Variants in RELN observed in about 807,000 individuals in gnomAD.
RELN encodes reelin.
In RELN, 108 loss-of-function variants were observed where a neutral mutation model predicts 427.6. That is an observed-to-expected ratio of 0.25 (90% CI 0.22 to 0.30). RELN has a LOEUF of 0.30. Ranked by LOEUF, RELN falls within the 10% of genes least tolerant of loss-of-function variation. The probability of loss-of-function intolerance (pLI) is 1.00; values close to 1 mark genes in which losing one functional copy is unlikely to be tolerated. For missense variants in RELN, 3,715 were observed against 4,302.8 expected (o/e 0.86, Z 3.82); for synonymous variants, 1,524 against 1,513.4 (o/e 1.01, Z -0.16).
At position 103,636,265 on chromosome 7, in the gene RELN, A is replaced by G. The variant is rs766771027; in HGVS notation, c.2273T>C (p.Ile758Thr). Residue 758 changes from isoleucine to threonine, a missense_variant, in exon 18 of 65, where the codon ATT becomes ACT. Ile to Thr is a moderately conservative substitution (Grantham distance 89). Around this residue, in one of 4 missense-constraint regions of RELN, gnomAD observed 2,208 missense variants for 2,361.7 expected, o/e 0.93. Transcript: ENST00000428762. The part of the protein sequence containing the change: ...VFNKDGRRQL[I>T]TSFLDSSQSR... Reference sequence around the variant, plus strand: ...TTGTGAGCTGTCAAGGAAAGATGTAATTAGCTGACGCCGCCCATCTTTGTT... The same window carrying G: ...TTGTGAGCTGTCAAGGAAAGATGTAGTTAGCTGACGCCGCCCATCTTTGTT... 1.2e-6 allele frequency: 2 copies of G among 1,613,758 alleles called. No homozygotes were observed. Among genetic ancestry groups the G allele is most frequent in the South Asian group, 1.1e-5 (1 of 91,070 alleles).
chr7:103,815,163 T>C (rs1584262730), intron 3 of RELN, among the ~76,000 whole-genome samples: 1 of 152,214 alleles, frequency 6.6e-6, no homozygotes, highest in East Asian at 1.9e-4. Flanking sequence ...ACAAGTATTA[T>C]AATAAGATCA....
chr7:103,535,539 C>T lies in RELN; in HGVS notation c.7181-55G>A. Reference sequence around the variant, plus strand: ...AACACATATCTGCAGACCCAGGAACCATAATTGTTTATCACATTTGTGTAT... The same window carrying T: ...AACACATATCTGCAGACCCAGGAACTATAATTGTTTATCACATTTGTGTAT... On this transcript the variant is annotated intron_variant, in intron 45 of 64. Transcript: ENST00000428762. 5 of 1,498,574 alleles carry T rather than the reference C, an allele frequency of 3.3e-6. No individual in the cohort carries two copies. In the South Asian group the frequency reaches 5.7e-5, roughly 17 times the overall value. 92.8% of individuals were successfully genotyped at this position (1,498,574 alleles called of 1,614,324 possible). A position where few individuals can be genotyped will look rare whatever the true frequency, so the allele number is the denominator to read the frequency against.
chr7:103,593,580 A>T, intron 27 of RELN, 102 bp downstream of exon 27: 1 of 1,016,796 alleles, frequency 9.8e-7, no homozygotes. Flanking sequence ...TCCCTTCTTT[A>T]ATAGAATATG....
intron 1 of RELN, among the ~76,000 whole-genome samples, chr7:103,930,952 G>T (rs915851462): frequency 1.3e-5 from 2 of 150,526 alleles, no homozygotes; most frequent in East Asian, 3.9e-4. Context: ...AATCCAAGCC[G>T]ATCAGGACTT....
chr7:103,590,602 AT>A (rs1831391004), intron 27 of RELN, among the ~76,000 whole-genome samples: 1 of 140,306 alleles, frequency 7.1e-6, no homozygotes. Flanking sequence ...ATAAATAAAT[AT>A]AAAATAAAAT....
chr7:103,814,019 A>G (rs770593665), intron 3 of RELN, among the ~76,000 whole-genome samples: 2 of 152,062 alleles, frequency 1.3e-5, no homozygotes, highest in Non-Finnish European at 2.9e-5. Flanking sequence ...CTACCTTTAC[A>G]TATATAGTAG....
intron 46 of RELN, 98 bp from the exon 47 acceptor site, chr7:103,523,629 C>G: frequency 3.6e-6 from 4 of 1,119,656 alleles, no homozygotes; most frequent in South Asian, 1.3e-5. Context: ...AACACAAAAG[C>G]ATGTACATTC....
At chr7:103,877,773 C>T (rs1019354796) in intron 2 of RELN, among the ~76,000 whole-genome samples, 2 of 151,954 alleles carry the variant, frequency 1.3e-5, no homozygotes, top group African/African-American at 4.8e-5. Context: ...AACTGCAGTA[C>T]TCTCTCCTGC....
rs149121159 is a variant in RELN, at chr7:103,566,288, T to C, written c.4872A>G (p.Gln1624=). 4.2e-5 allele frequency: 67 copies of C among 1,614,050 alleles called. No individual in the cohort carries two copies. The African/African-American group carries it at 7.7e-4, about 19-fold the overall frequency. Residue 1624 remains glutamine (Q), a synonymous_variant, in exon 33 of 65, where the codon CAA becomes CAG. Coordinates refer to ENST00000428762, the MANE Select transcript of RELN (RefSeq NM_005045.4). ...GACAGTCAATATCAACTTGACCTCC[T>C]TGGATTCGATACCAGTTGGCTTGCA... ...IDLQANWYRI[Q]GGQVDIDCLS...
intron 6 of RELN, among the ~76,000 whole-genome samples, chr7:103,732,290 A>G (rs1334357985): frequency 6.6e-6 from 1 of 152,118 alleles, no homozygotes; most frequent in African/African-American, 2.4e-5. Context: ...CCCATGGGCT[A>G]GTTTCTGGAA....
chr7:103,794,801 C>T (rs1792258721), intron 3 of RELN, among the ~76,000 whole-genome samples: 1 of 152,096 alleles, frequency 6.6e-6, no homozygotes, highest in Non-Finnish European at 1.5e-5. Flanking sequence ...CCACTAGATG[C>T]TAGGTATGAC....
intron 3 of RELN, among the ~76,000 whole-genome samples, chr7:103,801,054 TGGTG>T (rs983317375): frequency 6.6e-6 from 1 of 152,174 alleles, no homozygotes; most frequent in African/African-American, 2.4e-5. Flanking sequence ...CCAGTTAGAA[TGGTG>T]GTCACTAAAA....
Position 103,569,197 on chromosome 7 carries a change from C to T in RELN, c.4589-2438G>A, listed in dbSNP as rs896460191. On this transcript the variant is annotated intron_variant, in intron 31 of 64. Transcript: ENST00000428762. The surrounding 1 kb of genome is among the most constrained non-coding windows in gnomAD (Gnocchi z 4.0). The stretch of plus-strand genomic sequence containing the variant: ...TAAGGACATTCAAGCAGCCTATGGA[C>T]AGGTCTACAGAGTGAGAAACTGAAA... Among the ~76,000 whole-genome samples the T allele has an allele frequency of 2.0e-5, 3 of 152,206 alleles. No homozygotes were observed. Among genetic ancestry groups the T allele is most frequent in the African/African-American group, 7.2e-5 (3 of 41,440 alleles).
intron 4 of RELN, among the ~76,000 whole-genome samples, chr7:103,764,380 A>G (rs999856066): frequency 1.3e-5 from 2 of 152,198 alleles, no homozygotes; most frequent in African/African-American, 4.8e-5. Flanking sequence ...TTTCATGGCT[A>G]GAAAGTGCCA....
intron 6 of RELN, among the ~76,000 whole-genome samples, chr7:103,734,945 A>G (rs1455233432): frequency 6.6e-6 from 1 of 152,186 alleles, no homozygotes; most frequent in Non-Finnish European, 1.5e-5. Flanking sequence ...GACTTCATAA[A>G]AAACATTAAC....
intron 10 of RELN, among the ~76,000 whole-genome samples, chr7:103,691,624 C>G (rs1456900864): frequency 1.3e-5 from 2 of 152,024 alleles, no homozygotes. Context: ...ACCAGCCTGC[C>G]TAACATGGCA....
At chr7:103,794,451 C>G (rs1792247363) in intron 3 of RELN, among the ~76,000 whole-genome samples, 1 of 152,132 alleles carries the variant, frequency 6.6e-6, no homozygotes, top group Non-Finnish European at 1.5e-5. Context: ...AAACTTTATC[C>G]TCTTGGCCTG....
intron 11 of RELN, among the ~76,000 whole-genome samples, chr7:103,674,712 G>A (rs1231896773): frequency 6.6e-6 from 1 of 152,028 alleles, no homozygotes; most frequent in Non-Finnish European, 1.5e-5. Flanking sequence ...TTCATCCCTG[G>A]GATGCAAGCC....
intron 2 of RELN, among the ~76,000 whole-genome samples, chr7:103,897,687 T>C (rs1213278368): frequency 6.6e-6 from 1 of 152,026 alleles, no homozygotes; most frequent in African/African-American, 2.4e-5. Context: ...ATAAAAGCCA[T>C]AAGGATCTAG....
Sources: allele counts gnomAD v4.1 joint callset (sites outside exome capture counted in the v4.1 genomes callset), GRCh38; gene constraint gnomAD v4.1.1; regional missense constraint gnomAD v4.1.1; non-coding constraint Gnocchi (gnomAD v3.1); transcripts MANE v1.5; gene names NCBI Gene and HGNC (gene_info 2026-07-23, HGNC 2026-07-21).